The following KIZ variants were observed in gnomAD, a reference collection of about 807,000 sequenced individuals.
KIZ encodes the protein kizuna centrosomal protein.
KIZ carries 68 observed loss-of-function variants against 79.6 expected under a neutral mutation model. The ratio of observed to expected loss-of-function variants is 0.85; its 90% CI spans 0.70 to 1.05. The LOEUF (loss-of-function observed/expected upper bound fraction) is 1.05, where lower values mean the gene tolerates loss of function less well. KIZ is among the 50% of genes least tolerant of loss of function. The probability of loss-of-function intolerance (pLI) is 0.00; values close to 1 mark genes in which losing one functional copy is unlikely to be tolerated. For synonymous variants in KIZ, 280 were observed against 281.8 expected (o/e 0.99, Z 0.06); for missense variants, 797 against 800.4 (o/e 1.00, Z 0.05).
At chr20:21,187,591 C>G (rs2034934359) in intron 6 of KIZ, among the ~76,000 whole-genome samples, 1 of 152,182 alleles carries the variant, frequency 6.6e-6, no homozygotes, top group Non-Finnish European at 1.5e-5. Flanking sequence ...TAGTGTAACC[C>G]TCACCAGCCC....
intron 6 of KIZ, among the ~76,000 whole-genome samples, chr20:21,178,158 T>C (rs948342496): frequency 4.6e-5 from 7 of 152,052 alleles, no homozygotes; most frequent in African/African-American, 1.7e-4. Context: ...AATCTGGAGA[T>C]TGCTTTGGTA....
intron 10 of KIZ, among the ~76,000 whole-genome samples, chr20:21,232,357 G>T (rs951774821): frequency 1.3e-5 from 2 of 152,164 alleles, no homozygotes; most frequent in African/African-American, 4.8e-5. Flanking sequence ...TTATCCATGG[G>T]TCTCAATTAT....
intron 9 of KIZ, among the ~76,000 whole-genome samples, chr20:21,224,271 G>A (rs6035812): frequency 0.022 from 3,410 of 152,234 alleles, 110 homozygotes; most frequent in African/African-American, 0.071. Flanking sequence ...GAGCCACCCC[G>A]CCCGGCCCTT....
chr20:21,155,040 TA>T (rs2033308134), intron 4 of KIZ, among the ~76,000 whole-genome samples: 1 of 152,222 alleles, frequency 6.6e-6, no homozygotes, highest in Admixed American at 6.6e-5. Context: ...TTTTTTGTTA[TA>T]AAAGTTTATA....
At chr20:21,226,925 C>T (rs1025475099) in intron 9 of KIZ, among the ~76,000 whole-genome samples, 1 of 152,204 alleles carries the variant, frequency 6.6e-6, no homozygotes, top group East Asian at 1.9e-4. Flanking sequence ...GCTCTGGTTG[C>T]GTGGGGCAGG....
At chr20:21,146,832 A>T (rs541418958) in intron 4 of KIZ, among the ~76,000 whole-genome samples, 28 of 148,328 alleles carry the variant, frequency 1.9e-4, no homozygotes, top group African/African-American at 3.5e-4. Context: ...TTAAAAAATT[A>T]AAAAAAAAAC....
chr20:21,198,543 C>T (rs2035455744), intron 6 of KIZ: 1 of 152,212 alleles, frequency 6.6e-6, no homozygotes, highest in African/African-American at 2.4e-5. Flanking sequence ...GTTCTCCTCA[C>T]CTGTCATGTG....
intron 4 of KIZ, among the ~76,000 whole-genome samples, chr20:21,160,033 A>G (rs2033582238): frequency 6.6e-6 from 1 of 152,224 alleles, no homozygotes; most frequent in Admixed American, 6.5e-5. Context: ...TGTTGTAGTG[A>G]ATTCTTATAA....
intron 6 of KIZ, among the ~76,000 whole-genome samples, chr20:21,173,649 G>C (rs2034318274): frequency 6.6e-6 from 1 of 151,750 alleles, no homozygotes; most frequent in Non-Finnish European, 1.5e-5. Flanking sequence ...AAGAGAAAGG[G>C]AGTAGAAGGA....
chr20:21,223,217 A>G (rs2036556659), intron 9 of KIZ, among the ~76,000 whole-genome samples: 1 of 152,158 alleles, frequency 6.6e-6, no homozygotes, highest in Non-Finnish European at 1.5e-5. Context: ...TTGAAAATCC[A>G]CCTCTCACGA....
intron 6 of KIZ, among the ~76,000 whole-genome samples, 161 bp from the exon 7 acceptor site, chr20:21,205,330 A>G (rs1568974721): frequency 1.3e-5 from 2 of 152,098 alleles, no homozygotes; most frequent in African/African-American, 4.8e-5. Context: ...TAAAAGTTTA[A>G]AAAAAAGGAT....
At chr20:21,243,776 AT>A (rs1304815877) in intron 11 of KIZ, among the ~76,000 whole-genome samples, 2 of 152,162 alleles carry the variant, frequency 1.3e-5, no homozygotes, top group African/African-American at 4.8e-5. Flanking sequence ...AACTGTTAGT[AT>A]TGCTGCCACT....
chr20:21,209,379 C>T (rs1289133512), intron 7 of KIZ, among the ~76,000 whole-genome samples: 1 of 152,268 alleles, frequency 6.6e-6, no homozygotes, highest in Non-Finnish European at 1.5e-5. Flanking sequence ...CCAAGTGATA[C>T]CTGTTTCTGC....
At chr20:21,206,221 G>T (rs1332515595) in intron 7 of KIZ, among the ~76,000 whole-genome samples, 1 of 152,140 alleles carries the variant, frequency 6.6e-6, no homozygotes, top group Non-Finnish European at 1.5e-5. Context: ...ATGCCTATCG[G>T]TCCATTACTG....
chr20:21,168,018 C>T (rs149538636), intron 6 of KIZ, among the ~76,000 whole-genome samples: 1,884 of 152,012 alleles, frequency 0.012, 41 homozygotes, highest in African/African-American at 0.044. Flanking sequence ...TGTGCTTCAC[C>T]CAGTAACTCG....
intron 6 of KIZ, among the ~76,000 whole-genome samples, chr20:21,188,077 A>G (rs887559745): frequency 1.3e-5 from 2 of 152,220 alleles, no homozygotes; most frequent in Non-Finnish European, 2.9e-5. Context: ...CCTCAAAGTG[A>G]ATCATAAAAA....
At chr20:21,215,819 A>G (rs922192659) in intron 9 of KIZ, among the ~76,000 whole-genome samples, 171 bp downstream of exon 9, 13 of 152,212 alleles carry the variant, frequency 8.5e-5, no homozygotes, top group Non-Finnish European at 1.9e-4. Context: ...TTATGTTAAC[A>G]TAAACTAAGG....
chr20:21,159,207 T>G (rs1401734933), intron 4 of KIZ, among the ~76,000 whole-genome samples: 1 of 151,878 alleles, frequency 6.6e-6, no homozygotes, highest in East Asian at 1.9e-4. Flanking sequence ...TTTGTAGAGA[T>G]GGAGTCTCAC....
chr20:21,149,179 C>G (rs551520396), intron 4 of KIZ, among the ~76,000 whole-genome samples: 1 of 152,360 alleles, frequency 6.6e-6, no homozygotes, highest in South Asian at 2.1e-4. Flanking sequence ...CACTGGACTT[C>G]AGCATCCATG....
Sources: allele counts gnomAD v4.1 joint callset (sites outside exome capture counted in the v4.1 genomes callset), GRCh38; gene constraint gnomAD v4.1.1; transcripts MANE v1.5; gene names NCBI Gene and HGNC (gene_info 2026-07-23, HGNC 2026-07-21).